PDZD2: variants seen among roughly 807,000 people sequenced by gnomAD.
PDZD2 encodes the protein PDZ domain containing 2.
PDZD2 carries 90 observed loss-of-function variants against 220.7 expected under a neutral mutation model. The ratio of observed to expected loss-of-function variants is 0.41; its 90% confidence interval spans 0.34 to 0.49. The LOEUF (loss-of-function observed/expected upper bound fraction) is 0.49, where lower values mean the gene tolerates loss of function less well. Among genes scored for constraint, PDZD2 ranks in the 20% least tolerant of loss-of-function variants. PDZD2 has a pLI of 0.28. For missense variants in PDZD2, 3,174 were observed against 3,608.5 expected, an observed-to-expected ratio of 0.88 and a Z score of 3.08; for synonymous variants, 1,375 against 1,450.5, an observed-to-expected ratio of 0.95 and a Z score of 1.18.
intron 2 of PDZD2, among the ~76,000 whole-genome samples, chr5:31,871,612 G>A (rs541063279): frequency 5.9e-5 from 9 of 152,096 alleles, no homozygotes; most frequent in South Asian, 2.1e-4. Context: ...CACCATGCCC[G>A]GCTAATTTTT....
intron 7 of PDZD2, among the ~76,000 whole-genome samples, chr5:32,039,952 A>G (rs1423586237): frequency 9.6e-6 from 1 of 104,160 alleles, no homozygotes; most frequent in Non-Finnish European, 1.9e-5. Context: ...AGCTGCCCGA[A>G]TGGGAAGTGA....
intron 2 of PDZD2, among the ~76,000 whole-genome samples, chr5:31,953,676 G>A (rs368307838): frequency 1.0e-5 from 1 of 98,722 alleles, no homozygotes; most frequent in Non-Finnish European, 2.1e-5. Flanking sequence ...TTTTTTTTTT[G>A]AGACAGTCTC....
chr5:32,007,909 A>G (rs34021859), intron 5 of PDZD2, among the ~76,000 whole-genome samples: 51,759 of 151,782 alleles, frequency 0.34, 9,217 homozygotes, highest in Admixed American at 0.43. Flanking sequence ...TCATGATCTC[A>G]CCTGCGTCTT....
At chr5:32,069,547 T>C (rs1284123429) in intron 14 of PDZD2, 22 bp from the exon 15 acceptor site, 25 of 1,379,446 alleles carry the variant, frequency 1.8e-5, no homozygotes, top group Non-Finnish European at 2.3e-5. Flanking sequence ...CCATCTAATC[T>C]TTGCTTTCTG....
At chr5:31,651,118 A>C (rs1031171276) in intron 1 of PDZD2, among the ~76,000 whole-genome samples, 2 of 73,140 alleles carry the variant, frequency 2.7e-5, no homozygotes, top group African/African-American at 8.4e-5. Context: ...GAATTACATC[A>C]GCATCCCGTA....
intron 1 of PDZD2, among the ~76,000 whole-genome samples, chr5:31,785,185 C>A (rs960582069): frequency 6.6e-6 from 1 of 151,996 alleles, no homozygotes; most frequent in African/African-American, 2.4e-5. Flanking sequence ...AATGAATGAG[C>A]TTTCTTGCTG....
intron 2 of PDZD2, among the ~76,000 whole-genome samples, chr5:31,875,704 G>A (rs1739244781): frequency 6.8e-6 from 1 of 147,616 alleles, no homozygotes; most frequent in Non-Finnish European, 1.5e-5. Flanking sequence ...AATCTATTTG[G>A]GATTATATAT....
chr5:31,887,194 T>C (rs1740586640), intron 2 of PDZD2, among the ~76,000 whole-genome samples: 2 of 152,200 alleles, frequency 1.3e-5, no homozygotes, highest in Admixed American at 1.3e-4. Flanking sequence ...TGGATATTTT[T>C]AAGTACACAC....
chr5:31,708,032 GCA>G (rs1198643067), intron 1 of PDZD2, among the ~76,000 whole-genome samples: 1 of 152,174 alleles, frequency 6.6e-6, no homozygotes, highest in Non-Finnish European at 1.5e-5. Flanking sequence ...GATAGTAACA[GCA>G]GCTCCCGGGC....
rs531674502 is a variant in PDZD2 at position 31,763,372 on chromosome 5, C to G, written c.-360-35517C>G. Among the ~76,000 whole-genome samples, 20 of 152,302 alleles carry G rather than the reference C, an allele frequency of 1.3e-4. No individual in the cohort carries two copies. In the East Asian group the frequency reaches 1.5e-3, roughly 12 times the overall value. ...CACTGTCTACCTCAGCCATGAGCCTCTGTCCTTGCGTGTGTGCAGTTTCTT... is the reference window on the plus strand; with the variant it reads ...CACTGTCTACCTCAGCCATGAGCCTGTGTCCTTGCGTGTGTGCAGTTTCTT... On this transcript the variant is annotated intron_variant, in intron 1 of 24. Transcript: ENST00000438447.
At chr5:32,010,629 G>C (rs193194387) in intron 6 of PDZD2, 147 bp downstream of exon 6, 1 of 735,844 alleles carries the variant, frequency 1.4e-6, no homozygotes, top group East Asian at 2.6e-5. Flanking sequence ...TGTTTTTCTC[G>C]GAATCTCTGA....
At chr5:31,665,646 C>CA (rs1208835558) in intron 1 of PDZD2, among the ~76,000 whole-genome samples, 1 of 110,366 alleles carries the variant, frequency 9.1e-6, no homozygotes, top group Non-Finnish European at 1.9e-5. Context: ...GTTCCCCCTC[C>CA]CCCCCCTCCC....
intron 5 of PDZD2, among the ~76,000 whole-genome samples, chr5:32,008,401 C>T (rs1300920917): frequency 1.3e-5 from 2 of 151,392 alleles, no homozygotes; most frequent in African/African-American, 4.9e-5. Context: ...GTGCCTCAGT[C>T]CCCCAAGTAG....
At chr5:31,992,859 C>T (rs1273677805) in intron 3 of PDZD2, among the ~76,000 whole-genome samples, 1 of 77,104 alleles carries the variant, frequency 1.3e-5, no homozygotes, top group African/African-American at 3.8e-5. Context: ...TGTGCCTCTT[C>T]CATGGAAAAA....
In PDZD2 at chr5:32,069,624, A is replaced by G. The variant is rs747828600; in HGVS notation, c.2507A>G (p.Lys836Arg). 1.3e-6 allele frequency: 2 copies of G among 1,580,894 alleles called. No individual in the cohort carries two copies. Among genetic ancestry groups the G allele is most frequent in the South Asian group, 2.2e-5 (2 of 90,442 alleles). ...VIARSTYQESKEANSSPGLGT... is the reference protein window; with the variant it reads ...VIARSTYQESREANSSPGLGT... Reference sequence around the variant, plus strand: ...GCACGCAGCACTTATCAGGAGAGCAAAGAGGCCAATTCCTCTCCTGGCTTA... The same window carrying G: ...GCACGCAGCACTTATCAGGAGAGCAGAGAGGCCAATTCCTCTCCTGGCTTA... The change falls in exon 15 of 25, where the codon AAA becomes AGA. Residue 836 changes from lysine to arginine, a missense_variant. Lys to Arg is a conservative substitution (Grantham distance 26, BLOSUM62 2). This residue lies in a region of PDZD2 where 1,861 missense variants were observed against 2,001.0 expected (regional missense o/e 0.93). Transcript: ENST00000438447.
intron 2 of PDZD2, chr5:31,847,839 A>C (rs1210570421): frequency 1.8e-6 from 1 of 547,952 alleles, no homozygotes. Flanking sequence ...AACTTAATGC[A>C]GAAGTTAATG....
chr5:31,889,857 C>G (rs1740849564), intron 2 of PDZD2, among the ~76,000 whole-genome samples: 1 of 152,060 alleles, frequency 6.6e-6, no homozygotes, highest in Non-Finnish European at 1.5e-5. Flanking sequence ...CCCGTCTCTA[C>G]TAAATGTACA....
chr5:32,048,753 A>T (rs1738229054), intron 8 of PDZD2, 69 bp downstream of exon 8: 5 of 1,516,778 alleles, frequency 3.3e-6, no homozygotes, highest in Non-Finnish European at 4.5e-6. Context: ...CTGCCCATCC[A>T]TACAGGCCAG....
At chr5:31,665,435 G>A (rs76520112) in intron 1 of PDZD2, among the ~76,000 whole-genome samples, 1,730 of 152,226 alleles carry the variant, frequency 0.011, 28 homozygotes, top group African/African-American at 0.039. Flanking sequence ...AAAGAAAGGC[G>A]ATTTTTATTT....
Sources: allele counts gnomAD v4.1 joint callset (sites outside exome capture counted in the v4.1 genomes callset), GRCh38; gene constraint gnomAD v4.1.1; regional missense constraint gnomAD v4.1.1; transcripts MANE v1.5; gene names NCBI Gene and HGNC (gene_info 2026-07-23, HGNC 2026-07-21).